The following MAP3K5 variants were observed in gnomAD, a reference collection of about 807,000 sequenced individuals.
The protein encoded by MAP3K5 is mitogen-activated protein kinase kinase kinase 5.
In MAP3K5, 56 loss-of-function variants were observed where a neutral mutation model predicts 158.7. The ratio of observed to expected loss-of-function variants is 0.35; its 90% confidence interval spans 0.28 to 0.44. MAP3K5 has a LOEUF of 0.44. Among genes scored for constraint, MAP3K5 ranks in the 20% least tolerant of loss-of-function variants. The probability of loss-of-function intolerance (pLI) is 1.00; values close to 1 mark genes in which losing one functional copy is unlikely to be tolerated. For synonymous variants in MAP3K5, 579 were observed against 601.7 expected, an observed-to-expected ratio of 0.96 and a Z score of 0.55; for missense variants, 1,294 against 1,674.8, an observed-to-expected ratio of 0.77 and a Z score of 3.97.
At chr6:136,659,425 G>C in intron 8 of MAP3K5, 47 bp from the exon 9 acceptor site, 1 of 1,538,490 alleles carries the variant, frequency 6.5e-7, no homozygotes, top group Non-Finnish European at 8.9e-7. Flanking sequence ...ACCCCACACA[G>C]GTAGAACCAG....
chr6:136,733,102 C>T (rs180673858), intron 1 of MAP3K5, among the ~76,000 whole-genome samples: 132 of 152,258 alleles, frequency 8.7e-4, no homozygotes, highest in African/African-American at 3.0e-3. Flanking sequence ...TGGGCTCAAG[C>T]GATCCTCCCA....
intron 1 of MAP3K5, among the ~76,000 whole-genome samples, chr6:136,759,454 CTATATATA>C (rs570186848): frequency 6.2e-4 from 61 of 98,114 alleles, no homozygotes; most frequent in Middle Eastern, 5.2e-3. Context: ...TATACTAAAA[CTATATATA>C]TATATATATA....
At chr6:136,676,892 A>G (rs1256854282) in intron 7 of MAP3K5, among the ~76,000 whole-genome samples, 2 of 150,228 alleles carry the variant, frequency 1.3e-5, no homozygotes, top group Non-Finnish European at 3.0e-5. Context: ...CCTGGGTTCA[A>G]GTGATTCTCC....
chr6:136,651,736 T>C (rs1197573918), intron 10 of MAP3K5, among the ~76,000 whole-genome samples: 1 of 152,154 alleles, frequency 6.6e-6, no homozygotes, highest in Admixed American at 6.5e-5. Flanking sequence ...ATAAAATTTG[T>C]TCCTATTTTG....
chr6:136,702,547 T>C (rs1214963479), intron 3 of MAP3K5, among the ~76,000 whole-genome samples: 1 of 152,238 alleles, frequency 6.6e-6, no homozygotes, highest in Non-Finnish European at 1.5e-5. Context: ...AATTGCCTTT[T>C]ATTAATAAAG....
chr6:136,637,260 A>T, intron 14 of MAP3K5, 65 bp downstream of exon 14: 1 of 1,374,972 alleles, frequency 7.3e-7, no homozygotes, highest in South Asian at 1.2e-5. Flanking sequence ...CTCCTGCCTC[A>T]GTAAGGCTTC....
In MAP3K5 at chr6:136,592,335, T is replaced by C; in HGVS notation, c.3063A>G (p.Pro1021=). The change falls in exon 23 of 30, where the codon CCA becomes CCG. Residue 1021 remains proline, a synonymous_variant. Transcript: ENST00000359015. ...KGIRTLFLGI[P]DENFEDHSAP... Reference sequence around the variant, plus strand: ...CACTGTGATCTTCAAAATTCTCATCTGGAATGCTGAGAAAATTTATGCAGC... The same window carrying C: ...CACTGTGATCTTCAAAATTCTCATCCGGAATGCTGAGAAAATTTATGCAGC... 6.3e-7 allele frequency: 1 copy of C among 1,590,356 alleles called. No individual in the cohort carries two copies. The highest frequency in any genetic ancestry group is 8.6e-7 in the Non-Finnish European group (1 of 1,168,146).
chr6:136,605,475 A>G, intron 18 of MAP3K5, 109 bp from the exon 19 acceptor site: 1 of 892,496 alleles, frequency 1.1e-6, no homozygotes, highest in Non-Finnish European at 1.7e-6. Flanking sequence ...CTGTAAAAAC[A>G]TGATTCAAGT....
chr6:136,685,794 G>C (rs1397528610), intron 7 of MAP3K5, among the ~76,000 whole-genome samples: 1 of 152,006 alleles, frequency 6.6e-6, no homozygotes, highest in Non-Finnish European at 1.5e-5. Flanking sequence ...AAAAAACAAG[G>C]GTCAGTTGAA....
chr6:136,599,509 T>C (rs1775786254), intron 21 of MAP3K5, among the ~76,000 whole-genome samples: 2 of 151,918 alleles, frequency 1.3e-5, no homozygotes, highest in South Asian at 2.1e-4. Flanking sequence ...CTCTCATATA[T>C]GCACGCTCTT....
At chr6:136,654,309 T>C (rs1350631564) in intron 10 of MAP3K5, among the ~76,000 whole-genome samples, 1 of 152,224 alleles carries the variant, frequency 6.6e-6, no homozygotes, top group Admixed American at 6.5e-5. Flanking sequence ...GTGTCAACTG[T>C]TGTAAAATGT....
At chr6:136,562,174 A>T (rs776388330) in intron 27 of MAP3K5, among the ~76,000 whole-genome samples, 2 of 152,356 alleles carry the variant, frequency 1.3e-5, no homozygotes, top group South Asian at 4.1e-4. Flanking sequence ...ATATAAATGC[A>T]AAATGACAAA....
chr6:136,611,680 T>C (rs1236922794), intron 17 of MAP3K5, among the ~76,000 whole-genome samples: 1 of 152,242 alleles, frequency 6.6e-6, no homozygotes, highest in African/African-American at 2.4e-5. Context: ...ATTTCCAAAC[T>C]GCCCTTGGTC....
intron 3 of MAP3K5, among the ~76,000 whole-genome samples, chr6:136,700,067 C>A (rs1484011424): frequency 1.3e-5 from 2 of 151,722 alleles, no homozygotes; most frequent in Non-Finnish European, 1.5e-5. Context: ...GAGCGAGACT[C>A]TGTCAGGAGA....
intron 11 of MAP3K5, among the ~76,000 whole-genome samples, chr6:136,643,294 A>G (rs980637923): frequency 1.3e-5 from 2 of 152,160 alleles, no homozygotes; most frequent in Non-Finnish European, 2.9e-5. Flanking sequence ...TAAAATAAAT[A>G]ACAAAATGGA....
At chr6:136,762,376 C>T (rs1369766696) in intron 1 of MAP3K5, among the ~76,000 whole-genome samples, 1 of 152,146 alleles carries the variant, frequency 6.6e-6, no homozygotes, top group Non-Finnish European at 1.5e-5. Flanking sequence ...ATAGACAGTA[C>T]ATTTGATAGG....
At chr6:136,760,815 G>T (rs939147973) in intron 1 of MAP3K5, among the ~76,000 whole-genome samples, 3 of 152,056 alleles carry the variant, frequency 2.0e-5, no homozygotes, top group Non-Finnish European at 4.4e-5. Flanking sequence ...ACTGAACATA[G>T]AAAAATTAGC....
chr6:136,687,182 C>G (rs1780186357), intron 7 of MAP3K5, among the ~76,000 whole-genome samples: 1 of 152,146 alleles, frequency 6.6e-6, no homozygotes, highest in Non-Finnish European at 1.5e-5. Flanking sequence ...GAAAGAATTC[C>G]CTATTTAATA....
At chr6:136,564,264 G>C (rs992601590) in intron 26 of MAP3K5, among the ~76,000 whole-genome samples, 1 of 152,178 alleles carries the variant, frequency 6.6e-6, no homozygotes, top group Non-Finnish European at 1.5e-5. Context: ...AGGACATAAA[G>C]ATGAGATCCT....
Sources: allele counts gnomAD v4.1 joint callset (sites outside exome capture counted in the v4.1 genomes callset), GRCh38; gene constraint gnomAD v4.1.1; transcripts MANE v1.5; gene names NCBI Gene and HGNC (gene_info 2026-07-23, HGNC 2026-07-21).